Variants in KHDRBS2 observed in about 807,000 individuals in gnomAD.
KHDRBS2 encodes KH domain-containing, RNA-binding, signal transduction-associated protein 2.
In KHDRBS2, 26 loss-of-function variants were observed where a neutral mutation model predicts 44.3. The observed-to-expected ratio is 0.59, with a 90% CI of 0.43 to 0.81. The LOEUF (loss-of-function observed/expected upper bound fraction) is 0.81. Among genes scored for constraint, KHDRBS2 ranks in the 40% least tolerant of loss-of-function variants. The pLI is 0.00. For missense variants in KHDRBS2, 476 were observed against 433.1 expected, an observed-to-expected ratio of 1.10 and a Z score of -0.88; for synonymous variants, 194 against 151.1, an observed-to-expected ratio of 1.28 and a Z score of -2.08.
At chr6:61,709,266 T>A (rs1369802954) in intron 7 of KHDRBS2, among the ~76,000 whole-genome samples, 1 of 151,608 alleles carries the variant, frequency 6.6e-6, no homozygotes. Context: ...TAAGTTTTAG[T>A]TGATGGTATT....
intron 6 of KHDRBS2, among the ~76,000 whole-genome samples, chr6:61,835,634 TATA>T (rs1438963884): frequency 1.3e-5 from 2 of 151,930 alleles, no homozygotes; most frequent in African/African-American, 2.4e-5. Context: ...GGCCTTACAA[TATA>T]ATATTTCATT....
chr6:61,750,827 T>C (rs1777574403), intron 6 of KHDRBS2, among the ~76,000 whole-genome samples: 1 of 151,942 alleles, frequency 6.6e-6, no homozygotes, highest in Admixed American at 6.6e-5. Flanking sequence ...TTGGCAAATG[T>C]TACAGTTCCT....
At chr6:62,068,501 T>C (rs1158607606) in intron 2 of KHDRBS2, among the ~76,000 whole-genome samples, 1 of 151,584 alleles carries the variant, frequency 6.6e-6, no homozygotes, top group African/African-American at 2.4e-5. Context: ...TAGCACAAAC[T>C]TTTAAAAAAT....
chr6:62,283,332 CACA>C lies in KHDRBS2; in HGVS notation c.91+2523_91+2525del, dbSNP rs1842053656. ...AACATCCAACTAGTACTTTCAACCC[CACA>C]GCCTTCAATTCTACATGAAGCACTG... On this transcript the variant is annotated intron_variant, in intron 1 of 8. Transcript: ENST00000281156. Among the ~76,000 whole-genome samples the C allele has an allele frequency of 4.6e-5, 7 of 152,216 alleles. No homozygotes were observed. The South Asian group carries it at 1.5e-3, about 32-fold the overall frequency.
chr6:61,847,398 G>A (rs1400535019), intron 6 of KHDRBS2, among the ~76,000 whole-genome samples: 2 of 152,110 alleles, frequency 1.3e-5, no homozygotes, highest in South Asian at 4.1e-4. Flanking sequence ...GCTAACTTTG[G>A]TGGGCATTTC....
intron 4 of KHDRBS2, among the ~76,000 whole-genome samples, chr6:61,954,570 G>A (rs1245525235): frequency 2.1e-5 from 3 of 143,666 alleles, no homozygotes; most frequent in Non-Finnish European, 4.6e-5. Context: ...ACATACATAC[G>A]TATGTAGACA....
intron 4 of KHDRBS2, among the ~76,000 whole-genome samples, chr6:61,911,506 A>G (rs577047985): frequency 1.3e-5 from 2 of 152,334 alleles, no homozygotes; most frequent in South Asian, 4.1e-4. Flanking sequence ...TACTCTCTGA[A>G]TCAGTGCATG....
intron 2 of KHDRBS2, among the ~76,000 whole-genome samples, chr6:62,163,258 T>G (rs1297594135): frequency 6.6e-6 from 1 of 152,008 alleles, no homozygotes; most frequent in African/African-American, 2.4e-5. Flanking sequence ...AGACTTTAAT[T>G]CCCGTGATTT....
intron 2 of KHDRBS2, among the ~76,000 whole-genome samples, chr6:62,085,906 C>T (rs1294044321): frequency 6.6e-6 from 1 of 152,016 alleles, no homozygotes; most frequent in East Asian, 1.9e-4. Flanking sequence ...GAGTATCTGA[C>T]AAAGTGGATT....
intron 7 of KHDRBS2, among the ~76,000 whole-genome samples, chr6:61,705,797 A>T (rs1417559592): frequency 5.9e-5 from 9 of 151,640 alleles, no homozygotes; most frequent in African/African-American, 2.2e-4. Context: ...CACCCTCTCA[A>T]TCCCTTTCAA....
At chr6:61,732,342 G>GA (rs59521220) in intron 7 of KHDRBS2, among the ~76,000 whole-genome samples, 45 of 144,274 alleles carry the variant, frequency 3.1e-4, no homozygotes, top group East Asian at 2.2e-3. Flanking sequence ...GATATTTTAG[G>GA]AAAAAAAAAA....
chr6:62,117,626 T>A (rs1298561337), intron 2 of KHDRBS2, among the ~76,000 whole-genome samples: 1 of 152,116 alleles, frequency 6.6e-6, no homozygotes, highest in Non-Finnish European at 1.5e-5. Context: ...CCCATTTCTA[T>A]ATTTTTGCTC....
the KHDRBS2 span, among the ~76,000 whole-genome samples, chr6:61,653,537 T>G: frequency 6.6e-6 from 1 of 152,020 alleles, no homozygotes. Flanking sequence ...GCCAAGGAAG[T>G]TAGTGGACAC....
intron 6 of KHDRBS2, among the ~76,000 whole-genome samples, chr6:61,859,003 A>T (rs1307579341): frequency 2.0e-5 from 3 of 151,980 alleles, no homozygotes; most frequent in Non-Finnish European, 4.4e-5. Context: ...GTTCTCAACA[A>T]CACCATTGAT....
the KHDRBS2 span, among the ~76,000 whole-genome samples, chr6:61,549,856 A>G: frequency 6.6e-6 from 1 of 152,184 alleles, no homozygotes; most frequent in Admixed American, 6.5e-5. Context: ...TTACATTAAA[A>G]TCTATTAGGT....
In KHDRBS2 at chr6:62,089,771, T is replaced by A. The variant is rs116573889; in HGVS notation, c.220-41777A>T. On this transcript the variant is annotated intron_variant, in intron 2 of 8. Coordinates refer to ENST00000281156, the MANE Select transcript of KHDRBS2 (RefSeq NM_152688.4). ...TATTCATTAAGACACATATTTGTTTTGTGTTGTTTTCTGTATCTATATTTT... is the reference window on the plus strand; with the variant it reads ...TATTCATTAAGACACATATTTGTTTAGTGTTGTTTTCTGTATCTATATTTT... Among the ~76,000 whole-genome samples the A allele has an allele frequency of 3.8e-3, 579 of 152,348 alleles. 5 individuals carry two copies. Among genetic ancestry groups the A allele is most frequent in the African/African-American group, 0.013 (550 of 41,578 alleles).
chr6:61,554,703 G>A, the KHDRBS2 span, among the ~76,000 whole-genome samples: 26,095 of 152,020 alleles, frequency 0.17, 2,464 homozygotes, highest in East Asian at 0.29. Flanking sequence ...GGCAAATCTC[G>A]TGACAGCAAA....
chr6:61,944,570 C>T (rs113677344), intron 4 of KHDRBS2, among the ~76,000 whole-genome samples: 1,970 of 151,970 alleles, frequency 0.013, 47 homozygotes, highest in African/African-American at 0.044. Context: ...AGAAGAAATG[C>T]GTTCTAATAT....
chr6:62,083,747 C>A (rs910810637), intron 2 of KHDRBS2, among the ~76,000 whole-genome samples: 1 of 152,098 alleles, frequency 6.6e-6, no homozygotes, highest in Non-Finnish European at 1.5e-5. Context: ...GCAAAGGGGT[C>A]AAGGGAACTA....
Sources: allele counts gnomAD v4.1 joint callset (sites outside exome capture counted in the v4.1 genomes callset), GRCh38; gene constraint gnomAD v4.1.1; transcripts MANE v1.5; gene names NCBI Gene and HGNC (gene_info 2026-07-23, HGNC 2026-07-21).